Variants in SUSD1 observed in about 807,000 individuals in gnomAD.
SUSD1 encodes sushi domain-containing protein 1.
Under a neutral mutation model 86.9 loss-of-function variants are expected in SUSD1, and 65 were observed. The ratio of observed to expected loss-of-function variants is 0.75; its 90% confidence interval spans 0.61 to 0.92. SUSD1 has a LOEUF of 0.92. Ranked by LOEUF, SUSD1 falls within the 40% of genes least tolerant of loss-of-function variation. The probability of loss-of-function intolerance (pLI) is 0.00; values close to 1 mark genes in which losing one functional copy is unlikely to be tolerated. For synonymous variants in SUSD1, 346 were observed against 350.0 expected, an observed-to-expected ratio of 0.99 and a Z score of 0.13; for missense variants, 850 against 929.7, an observed-to-expected ratio of 0.91 and a Z score of 1.11.
intron 12 of SUSD1, among the ~76,000 whole-genome samples, chr9:112,070,153 G>C (rs2131528214): frequency 6.6e-6 from 1 of 152,096 alleles, no homozygotes; most frequent in South Asian, 2.1e-4. Context: ...TTACAGGCAT[G>C]CACCACCACA....
At chr9:112,106,914 A>G (rs1830866894) in intron 8 of SUSD1, among the ~76,000 whole-genome samples, 1 of 151,404 alleles carries the variant, frequency 6.6e-6, no homozygotes, top group Admixed American at 6.6e-5. Context: ...GACTCACTGG[A>G]AAAGAAAATC....
At chr9:112,144,330 T>A (rs1385967209) in intron 3 of SUSD1, among the ~76,000 whole-genome samples, 1 of 151,794 alleles carries the variant, frequency 6.6e-6, no homozygotes, top group East Asian at 1.9e-4. Context: ...TATAAATATA[T>A]CCAGTCACTA....
intron 1 of SUSD1, among the ~76,000 whole-genome samples, chr9:112,165,970 A>C (rs1489876778): frequency 6.6e-6 from 1 of 151,504 alleles, no homozygotes; most frequent in Non-Finnish European, 1.5e-5. Flanking sequence ...AGAAAGAAAG[A>C]AAGAAAGAAA....
intron 1 of SUSD1, among the ~76,000 whole-genome samples, chr9:112,170,541 ACG>A (rs1156257115): frequency 5.9e-5 from 9 of 152,208 alleles, no homozygotes; most frequent in African/African-American, 1.7e-4. Flanking sequence ...CATATCAATT[ACG>A]CGAAACACAC....
chr9:112,115,622 C>T (rs1831278473), intron 6 of SUSD1, among the ~76,000 whole-genome samples: 1 of 151,896 alleles, frequency 6.6e-6, no homozygotes, highest in South Asian at 2.1e-4. Context: ...GCCTGGGCAA[C>T]ATGGTGAAAC....
At chr9:112,093,375 T>C (rs1217773483) in intron 10 of SUSD1, among the ~76,000 whole-genome samples, 2 of 152,158 alleles carry the variant, frequency 1.3e-5, no homozygotes, top group Non-Finnish European at 2.9e-5. Context: ...GCACTCTGGG[T>C]ATCTCCGGTC....
At chr9:112,070,298 C>T (rs377654128) in intron 12 of SUSD1, among the ~76,000 whole-genome samples, 24 of 152,328 alleles carry the variant, frequency 1.6e-4, no homozygotes, top group African/African-American at 4.3e-4. Flanking sequence ...TGAGCCACCA[C>T]GCCCAGCCGC....
chr9:112,104,406 G>GTAA (rs755836796), intron 8 of SUSD1, among the ~76,000 whole-genome samples: 53 of 151,440 alleles, frequency 3.5e-4, no homozygotes, highest in Non-Finnish European at 6.6e-4. Context: ...AATAATAATA[G>GTAA]TAATAATAAT....
chr9:112,050,497 T>A (rs1828143619), intron 15 of SUSD1, among the ~76,000 whole-genome samples: 1 of 152,096 alleles, frequency 6.6e-6, no homozygotes, highest in South Asian at 2.1e-4. Flanking sequence ...ACTGACAGGA[T>A]AAAAAATTCC....
chr9:112,173,211 A>T (rs1323140463), intron 1 of SUSD1, among the ~76,000 whole-genome samples: 1 of 152,144 alleles, frequency 6.6e-6, no homozygotes, highest in Non-Finnish European at 1.5e-5. Flanking sequence ...TATTACAAAA[A>T]TGGCCACTCC....
chr9:112,154,521 TCAAA>T (rs1007035794), intron 2 of SUSD1, among the ~76,000 whole-genome samples: 190 of 151,486 alleles, frequency 1.3e-3, no homozygotes, highest in African/African-American at 4.2e-3. Flanking sequence ...TGAAAGAAAA[TCAAA>T]CAAACAAAAA....
chr9:112,124,609 A>G, intron 5 of SUSD1, among the ~76,000 whole-genome samples, 173 bp from the exon 6 acceptor site: 1 of 152,262 alleles, frequency 6.6e-6, no homozygotes, highest in East Asian at 1.9e-4. Flanking sequence ...TAAAATTTCC[A>G]AACATGCACA....
At chr9:112,041,773 C>G (rs1446054652) in intron 16 of SUSD1, 94 bp downstream of exon 16, 10 of 1,258,792 alleles carry the variant, frequency 7.9e-6, no homozygotes, top group East Asian at 7.6e-5. Context: ...ACCCACACTC[C>G]CTTTGACTCC....
rs1458320716 is a variant in SUSD1 at position 112,098,473 on chromosome 9, C to G, written c.1471G>C (p.Ala491Pro). 1 of 1,613,968 alleles carries G rather than the reference C, an allele frequency of 6.2e-7. No individual in the cohort carries two copies. Among genetic ancestry groups the G allele is most frequent in the South Asian group, 1.1e-5 (1 of 91,078 alleles). The change falls in exon 10 of 17, where the codon GCA becomes CCA. Residue 491 changes from alanine to proline, a missense_variant. Transcript: ENST00000374270. ...SVQITIATPPAVKQTISNISG... is the reference protein window; with the variant it reads ...SVQITIATPPPVKQTISNISG... ...AAAGAAAGACGTCTACACCCACCTGCTGGGGGAGTTGCTATTGTTATTTGC... is the reference window on the plus strand; with the variant it reads ...AAAGAAAGACGTCTACACCCACCTGGTGGGGGAGTTGCTATTGTTATTTGC...
At chr9:112,078,123 T>C (rs113490932) in intron 12 of SUSD1, among the ~76,000 whole-genome samples, 1 of 152,176 alleles carries the variant, frequency 6.6e-6, no homozygotes, top group African/African-American at 2.4e-5. Context: ...GGCAGGTGGA[T>C]TGCTTGAGCC....
At chr9:112,112,363 G>A (rs1351274268) in intron 7 of SUSD1, among the ~76,000 whole-genome samples, 2 of 152,134 alleles carry the variant, frequency 1.3e-5, no homozygotes, top group South Asian at 2.1e-4. Flanking sequence ...GGCCAGGCGC[G>A]GTGGCTCATG....
At chr9:112,165,802 A>G (rs1564357509) in intron 1 of SUSD1, among the ~76,000 whole-genome samples, 1 of 150,610 alleles carries the variant, frequency 6.6e-6, no homozygotes. Context: ...GAAAGAGAGA[A>G]AGAGAGAGAG....
At chr9:112,106,405 G>C (rs936650526) in intron 8 of SUSD1, among the ~76,000 whole-genome samples, 1 of 151,958 alleles carries the variant, frequency 6.6e-6, no homozygotes, top group South Asian at 2.1e-4. Flanking sequence ...ATCTTCAATT[G>C]AGCTCTCATT....
chr9:112,143,531 A>G lies in SUSD1; in HGVS notation c.466T>C (p.Tyr156His). ...GGTTCAGGTCCATTCCTTGGCAAGT[A>G]TCCATCCATACAGTAGCATTCAAAG... is the stretch of plus-strand genomic sequence containing the variant. Reference protein sequence around the residue: ...GSFECYCMDGYLPRNGPEPFH... With the variant: ...GSFECYCMDGHLPRNGPEPFH... The change falls in exon 4 of 17, where the codon TAC (tyrosine) becomes CAC (histidine). Residue 156 changes from tyrosine (Y) to histidine (H), a missense_variant. Physicochemically the swap from Tyr to His is moderately conservative, Grantham distance 83. Coordinates refer to ENST00000374270, the MANE Select transcript of SUSD1 (RefSeq NM_022486.5). The G allele has an allele frequency of 1.9e-6, 3 of 1,614,144 alleles. No individual in the cohort carries two copies. The highest frequency in any genetic ancestry group is 2.5e-6 in the Non-Finnish European group (3 of 1,180,014).
Sources: gnomAD v4.1 joint callset for allele counts (sites outside exome capture counted in the v4.1 genomes callset) on GRCh38, gnomAD v4.1.1 for gene constraint, MANE v1.5 for transcripts, NCBI Gene and HGNC (gene_info 2026-07-23, HGNC 2026-07-21) for gene names.